Variants in SOCS2 observed in about 807,000 individuals in gnomAD.
The protein encoded by SOCS2 is suppressor of cytokine signaling 2, also known as CIS-2.
Under a neutral mutation model 18.6 loss-of-function variants are expected in SOCS2, and 10 were observed. The observed-to-expected ratio is 0.54, with a 90% CI of 0.33 to 0.91. SOCS2 has a LOEUF of 0.91. SOCS2 is among the 40% of genes least tolerant of loss of function. The probability of loss-of-function intolerance (pLI) is 0.02; values close to 1 mark genes in which losing one functional copy is unlikely to be tolerated. For missense variants in SOCS2, 231 were observed against 247.2 expected (o/e 0.93, Z 0.44); for synonymous variants, 104 against 104.0 (o/e 1.00, Z 0.00).
downstream of SOCS2, chr12:93,583,569 T>G (rs755160740): frequency 6.6e-6 from 1 of 152,096 alleles, no homozygotes; most frequent in Admixed American, 6.5e-5. Flanking sequence ...CTGGTCTTGA[T>G]AGTCAAGGAG....
chr12:93,622,026 G>C, the SOCS2 span, among the ~76,000 whole-genome samples: 1 of 152,134 alleles, frequency 6.6e-6, no homozygotes, highest in Non-Finnish European at 1.5e-5. Context: ...TTAGATTGAG[G>C]CTGAAAATTG....
At chr12:93,614,480 T>TTCCTTCCTTTCTTTCTTTCTTTCC in the SOCS2 span, among the ~76,000 whole-genome samples, 1 of 26,134 alleles carries the variant, frequency 3.8e-5, no homozygotes, top group African/African-American at 2.2e-4. Flanking sequence ...CCTTCCTTCC[T>TTCCTTCCTTTCTTTCTTTCTTTCC]TTCCTTCCTT....
the SOCS2 span, among the ~76,000 whole-genome samples, chr12:93,613,094 G>C: frequency 4.6e-5 from 7 of 152,202 alleles, no homozygotes; most frequent in Non-Finnish European, 7.3e-5. Flanking sequence ...AGCCTGTGTG[G>C]AGCCCTGCAA....
chr12:93,571,598 A>C, upstream of SOCS2: 1 of 186,348 alleles, frequency 5.4e-6, no homozygotes, highest in Non-Finnish European at 1.1e-5. Flanking sequence ...GAAACCCGGC[A>C]GCAGTCCGAG....
chr12:93,594,948 T>C, the SOCS2 span, among the ~76,000 whole-genome samples: 1 of 152,226 alleles, frequency 6.6e-6, no homozygotes, highest in African/African-American at 2.4e-5. Flanking sequence ...ATTCCTCTTG[T>C]CAGCAATACT....
At chr12:93,577,672 G>GTATACT (rs144422966), downstream of SOCS2, among the ~76,000 whole-genome samples, 2,730 of 152,262 alleles carry the variant, frequency 0.018, 88 homozygotes, top group African/African-American at 0.062. Flanking sequence ...GAAAAGTATA[G>GTATACT]ATACCTTAAT....
Position 93,574,901 on chromosome 12 carries a change from G to A in SOCS2, c.319G>A (p.Asp107Asn). 6.2e-7 allele frequency: 1 copy of A among 1,614,200 alleles called. No individual in the cohort carries two copies. Among genetic ancestry groups the A allele is most frequent in the Non-Finnish European group, 8.5e-7 (1 of 1,180,048 alleles). The change falls in exon 2 of 2, where the codon GAC becomes AAC. Residue 107 changes from aspartate (D) to asparagine (N), a missense_variant. Around this residue, in one of 3 missense-constraint regions of SOCS2, gnomAD observed 122 missense variants for 127.2 expected, o/e 0.96. Transcript: ENST00000551556. ...ATACCAAGACGGAAAATTCAGATTG[G>A]ACTCTATCATATGTGTCAAATCCAA... ...IEYQDGKFRL[D>N]SIICVKSKLK...
chr12:93,620,422 CTTTTTTTTTT>C, the SOCS2 span, among the ~76,000 whole-genome samples: 284 of 148,870 alleles, frequency 1.9e-3, no homozygotes, highest in Non-Finnish European at 3.0e-3. Context: ...CTTTTTTTCT[CTTTTTTTTTT>C]GAGATGGAGT....
the SOCS2 span, among the ~76,000 whole-genome samples, chr12:93,589,031 C>T: frequency 6.6e-6 from 1 of 152,218 alleles, no homozygotes; most frequent in Non-Finnish European, 1.5e-5. Context: ...CTTATGCTTG[C>T]CACATGTGTT....
At chr12:93,598,938 C>CA in the SOCS2 span, among the ~76,000 whole-genome samples, 1 of 152,222 alleles carries the variant, frequency 6.6e-6, no homozygotes, top group Admixed American at 6.5e-5. Flanking sequence ...GAGGTTGTAC[C>CA]AATTATTGTC....
At chr12:93,605,702 T>C in the SOCS2 span, among the ~76,000 whole-genome samples, 2 of 152,148 alleles carry the variant, frequency 1.3e-5, no homozygotes, top group African/African-American at 2.4e-5. Flanking sequence ...TTGAGTCAGG[T>C]AATGGGGAAA....
the SOCS2 span, among the ~76,000 whole-genome samples, chr12:93,621,984 T>A: frequency 6.6e-6 from 1 of 152,178 alleles, no homozygotes; most frequent in Admixed American, 6.5e-5. Context: ...TATTTTAAAC[T>A]CATTTAATTT....
chr12:93,607,109 C>T, the SOCS2 span, among the ~76,000 whole-genome samples: 2 of 152,158 alleles, frequency 1.3e-5, no homozygotes, highest in Admixed American at 6.5e-5. Flanking sequence ...AGAATATGTG[C>T]TCCCAAAATC....
chr12:93,610,164 A>G, the SOCS2 span, among the ~76,000 whole-genome samples: 1 of 152,212 alleles, frequency 6.6e-6, no homozygotes, highest in Non-Finnish European at 1.5e-5. Context: ...TATTAATTGT[A>G]AAATATCCAC....
At chr12:93,574,396 T>C (rs1371995791) in intron 1 of SOCS2, 1 of 197,152 alleles carries the variant, frequency 5.1e-6, no homozygotes, top group African/African-American at 2.3e-5. Context: ...GTTAAAAGTG[T>C]CATGCTTCAT....
chr12:93,595,959 A>T, the SOCS2 span, among the ~76,000 whole-genome samples: 61,321 of 151,824 alleles, frequency 0.4, 14,494 homozygotes, highest in African/African-American at 0.67. Context: ...ATAGAGGGCA[A>T]AAACAGTCAT....
At chr12:93,606,553 T>C in the SOCS2 span, among the ~76,000 whole-genome samples, 2,318 of 152,150 alleles carry the variant, frequency 0.015, 71 homozygotes, top group African/African-American at 0.053. Flanking sequence ...GGGATTACCA[T>C]ACCTCATCAG....
upstream of SOCS2, chr12:93,570,221 C>T (rs373423482): frequency 6.6e-6 from 1 of 152,278 alleles, no homozygotes; most frequent in East Asian, 1.9e-4. Context: ...CCTTAGCAGC[C>T]GGCGCAGGTG....
chr12:93,586,656 A>G (rs1857611538), downstream of SOCS2, among the ~76,000 whole-genome samples: 1 of 152,062 alleles, frequency 6.6e-6, no homozygotes, highest in Admixed American at 6.6e-5. Context: ...ACTGAACACA[A>G]TTCAGTTTTT....
Sources: gnomAD v4.1 joint callset for allele counts (sites outside exome capture counted in the v4.1 genomes callset) on GRCh38, gnomAD v4.1.1 for gene constraint, gnomAD v4.1.1 regional missense constraint, MANE v1.5 for transcripts, NCBI Gene and HGNC (gene_info 2026-07-23, HGNC 2026-07-21) for gene names.